The following CORIN variants were observed in gnomAD, a reference collection of about 807,000 sequenced individuals.
The protein encoded by CORIN is atrial natriuretic peptide-converting enzyme.
A neutral mutation model predicts 125.3 loss-of-function variants in CORIN; 117 were observed. The ratio of observed to expected loss-of-function variants is 0.93; its 90% CI spans 0.80 to 1.09. The LOEUF is 1.09. CORIN is among the 50% of genes least tolerant of loss of function. CORIN has a pLI of 0.00. For synonymous variants in CORIN, 450 were observed against 466.4 expected, an observed-to-expected ratio of 0.96 and a Z score of 0.45; for missense variants, 1,253 against 1,306.7, an observed-to-expected ratio of 0.96 and a Z score of 0.63.
chr4:47,715,339 C>G (rs1727040125), intron 5 of CORIN, among the ~76,000 whole-genome samples: 1 of 152,202 alleles, frequency 6.6e-6, no homozygotes, highest in Non-Finnish European at 1.5e-5. Context: ...GGCCCAGTGG[C>G]TCACATCTGT....
chr4:47,603,744 C>T lies in CORIN; in HGVS notation c.2541-76G>A, dbSNP rs1577728383. 13 of 1,495,332 alleles carry T rather than the reference C, an allele frequency of 8.7e-6. No homozygotes were observed. The East Asian group carries it at 2.6e-4, about 30-fold the overall frequency. The allele number at this position is 1,495,332 out of a possible 1,614,324, so 92.6% of individuals were successfully genotyped here. A position where few individuals can be genotyped will look rare whatever the true frequency, so the allele number is the denominator to read the frequency against. On this transcript the variant is annotated intron_variant, in intron 19 of 21. Transcript: ENST00000273857. ...GTGAAATTCACATGTAATTTTAAAA[C>T]ATTTTATTTATGTAAATAATGGCCA...
At chr4:47,723,819 AC>A (rs1727461553) in intron 5 of CORIN, among the ~76,000 whole-genome samples, 1 of 151,768 alleles carries the variant, frequency 6.6e-6, no homozygotes, top group Non-Finnish European at 1.5e-5. Context: ...ACACGGTGAA[AC>A]CCTGTCTCTA....
intron 5 of CORIN, among the ~76,000 whole-genome samples, chr4:47,701,879 G>C (rs1313586473): frequency 6.6e-6 from 1 of 152,064 alleles, no homozygotes; most frequent in South Asian, 2.1e-4. Context: ...TTTTTAAATC[G>C]TTGGAAAACA....
chr4:47,749,961 C>A lies in CORIN; in HGVS notation c.618-5378G>T. The stretch of plus-strand genomic sequence containing the variant: ...CTTTTGCATTATGAGGAAATTGAAG[C>A]CTAAACAGATTTTCATAGCCAAATA... On this transcript the variant is annotated intron_variant, in intron 4 of 21. Coordinates refer to ENST00000273857, the MANE Select transcript of CORIN (RefSeq NM_006587.4). Among the ~76,000 whole-genome samples, 2 of 152,152 alleles carry A rather than the reference C, an allele frequency of 1.3e-5. 1 individual carries two copies. The highest frequency in any genetic ancestry group is 1.3e-4 in the Admixed American group (2 of 15,268).
intron 4 of CORIN, among the ~76,000 whole-genome samples, chr4:47,761,510 T>A (rs113370632): frequency 1.4e-5 from 2 of 138,622 alleles, no homozygotes; most frequent in African/African-American, 5.7e-5. Context: ...CACACACACA[T>A]ATACACAATG....
chr4:47,778,415 C>T (rs1190267395), intron 3 of CORIN, among the ~76,000 whole-genome samples: 2 of 152,156 alleles, frequency 1.3e-5, no homozygotes, highest in Non-Finnish European at 2.9e-5. Context: ...TGTTCCATTA[C>T]TGCTTTCAGA....
intron 11 of CORIN, among the ~76,000 whole-genome samples, chr4:47,662,076 A>C (rs965367812): frequency 2.0e-5 from 3 of 152,220 alleles, no homozygotes; most frequent in Non-Finnish European, 2.9e-5. Context: ...ACCAAAAGAA[A>C]CTTTATTGCA....
chr4:47,717,356 A>C (rs191452513), intron 5 of CORIN, among the ~76,000 whole-genome samples: 1 of 152,164 alleles, frequency 6.6e-6, no homozygotes, highest in Non-Finnish European at 1.5e-5. Context: ...TATCAAATGC[A>C]GACTCCCGGG....
chr4:47,689,126 A>G (rs997957801), intron 6 of CORIN, among the ~76,000 whole-genome samples: 3 of 152,196 alleles, frequency 2.0e-5, no homozygotes, highest in Non-Finnish European at 4.4e-5. Flanking sequence ...TCCAGTGGTC[A>G]TTCTCTGCAC....
chr4:47,672,576 G>C (rs76108476), intron 10 of CORIN, among the ~76,000 whole-genome samples: 178 of 152,102 alleles, frequency 1.2e-3, no homozygotes, highest in African/African-American at 4.1e-3. Context: ...ATTGAGAGAC[G>C]AGTAAAATGA....
At chr4:47,772,834 A>G (rs1324966597) in intron 3 of CORIN, among the ~76,000 whole-genome samples, 3 of 152,162 alleles carry the variant, frequency 2.0e-5, no homozygotes, top group African/African-American at 7.2e-5. Flanking sequence ...CAGGGGAGAG[A>G]TTTGTATCCA....
At chr4:47,745,294 G>C (rs889260260) in intron 4 of CORIN, among the ~76,000 whole-genome samples, 4 of 152,190 alleles carry the variant, frequency 2.6e-5, no homozygotes, top group Non-Finnish European at 5.9e-5. Flanking sequence ...TCAAGGCCAC[G>C]GACTTGCTTC....
chr4:47,816,111 A>C (rs1244450081), intron 1 of CORIN, among the ~76,000 whole-genome samples: 1 of 152,246 alleles, frequency 6.6e-6, no homozygotes, highest in Admixed American at 6.5e-5. Context: ...TTTATGCTCT[A>C]CAACAATTCA....
At chr4:47,705,172 CT>C (rs1319701368) in intron 5 of CORIN, among the ~76,000 whole-genome samples, 1 of 152,172 alleles carries the variant, frequency 6.6e-6, no homozygotes, top group Admixed American at 6.5e-5. Context: ...TTTTTTCCCC[CT>C]GACTGGTTTA....
At chr4:47,615,070 A>G (rs1722022850) in intron 19 of CORIN, among the ~76,000 whole-genome samples, 1 of 152,224 alleles carries the variant, frequency 6.6e-6, no homozygotes, top group South Asian at 2.1e-4. Flanking sequence ...TTATGACTCT[A>G]TGAAAGTATT....
chr4:47,684,190 T>A (rs780292145), intron 6 of CORIN, among the ~76,000 whole-genome samples: 2 of 152,238 alleles, frequency 1.3e-5, no homozygotes, highest in African/African-American at 4.8e-5. Context: ...GTAACTCTTA[T>A]GTTTTCTTTA....
intron 1 of CORIN, among the ~76,000 whole-genome samples, chr4:47,824,169 TAAC>T (rs1385045741): frequency 3.3e-5 from 5 of 150,970 alleles, no homozygotes; most frequent in Middle Eastern, 3.2e-3. Flanking sequence ...TAAAGGAGAA[TAAC>T]AATACAAGAG....
Position 47,595,898 on chromosome 4 carries a change from G to GT in CORIN, c.2951dup (p.Asp984GlufsTer9). The GT allele has an allele frequency of 6.2e-7, 1 of 1,607,412 alleles. No homozygotes were observed. The highest frequency in any genetic ancestry group is 8.5e-7 in the Non-Finnish European group (1 of 1,177,972). ...TCTCACAAACAAGAGGCCCACCGCT[G>GT]TCACCCTGCAATAAGTAACGATGGG... On this transcript the variant is annotated frameshift_variant, in exon 22 of 22. Coordinates refer to ENST00000273857, the MANE Select transcript of CORIN (RefSeq NM_006587.4). LOFTEE classifies it high-confidence loss of function.
intron 6 of CORIN, among the ~76,000 whole-genome samples, chr4:47,686,064 G>A (rs1399856531): frequency 4.1e-5 from 6 of 148,130 alleles, no homozygotes; most frequent in Non-Finnish European, 5.9e-5. Context: ...ACTAGATGAC[G>A]ATTCGTTATC....
Sources: gnomAD v4.1 joint callset for allele counts (sites outside exome capture counted in the v4.1 genomes callset) on GRCh38, gnomAD v4.1.1 for gene constraint, MANE v1.5 for transcripts, NCBI Gene and HGNC (gene_info 2026-07-23, HGNC 2026-07-21) for gene names.